Variants in VWA8 observed in about 807,000 individuals in gnomAD.
The protein encoded by VWA8 is von Willebrand factor A domain containing 8.
A neutral mutation model predicts 241.5 loss-of-function variants in VWA8; 221 were observed. That is an observed-to-expected ratio of 0.91 (90% confidence interval 0.82 to 1.02). The LOEUF is 1.02. VWA8 is among the 50% of genes least tolerant of loss of function. The pLI, the probability that VWA8 is intolerant of heterozygous loss-of-function variation, is 0.00. For synonymous variants in VWA8, 852 were observed against 827.1 expected, an observed-to-expected ratio of 1.03 and a Z score of -0.52; for missense variants, 2,322 against 2,328.7, an observed-to-expected ratio of 1.00 and a Z score of 0.06.
rs1398191685 is a variant in VWA8, at chr13:41,727,449, T to C, written c.2639-136A>G. 12 of 813,192 alleles carry C rather than the reference T, an allele frequency of 1.5e-5. 1 individual carries two copies. In the South Asian group the frequency reaches 2.6e-4, roughly 18 times the overall value. The allele number at this position is 813,192 out of a possible 1,614,324, so 50.4% of individuals were successfully genotyped here. Reference sequence around the variant, plus strand: ...TCTAAGATATTTGGCTGTGATAACTTGGTTGCAGAAACAAAAACTTTCTTG... The same window carrying C: ...TCTAAGATATTTGGCTGTGATAACTCGGTTGCAGAAACAAAAACTTTCTTG... On this transcript the variant is annotated intron_variant, in intron 23 of 44. Transcript: ENST00000379310.
intron 21 of VWA8, among the ~76,000 whole-genome samples, chr13:41,733,427 T>G (rs1309031953): frequency 6.6e-6 from 1 of 152,170 alleles, no homozygotes; most frequent in Admixed American, 6.5e-5. Context: ...TGTGGGTAAG[T>G]AATAAAACCC....
chr13:41,605,369 T>C, intron 39 of VWA8, 93 bp from the exon 40 acceptor site: 1 of 1,208,416 alleles, frequency 8.3e-7, no homozygotes, highest in Non-Finnish European at 1.2e-6. Context: ...TTTAGCAAAC[T>C]CCTTGGAAAC....
At chr13:41,851,136 T>C (rs1018021812) in intron 12 of VWA8, among the ~76,000 whole-genome samples, 13 of 152,198 alleles carry the variant, frequency 8.5e-5, no homozygotes, top group South Asian at 2.1e-4. Context: ...TCTGCTTAAC[T>C]GAAACTTTGT....
rs532296102 is a variant in VWA8 at position 41,869,631 on chromosome 13, CAAAAAAAAA to C, written c.1081-1163_1081-1155del. Among the ~76,000 whole-genome samples, 76 of 40,294 alleles carry C rather than the reference CAAAAAAAAA, an allele frequency of 1.9e-3. 1 individual carries two copies. The highest frequency in any genetic ancestry group is 2.7e-3 in the Non-Finnish European group (64 of 24,008). The allele number at this position is 40,294 out of a possible 152,430, so 26.4% of individuals were successfully genotyped here. A position where few individuals can be genotyped will look rare whatever the true frequency, so the allele number is the denominator to read the frequency against. On this transcript the variant is annotated intron_variant, in intron 9 of 44. Coordinates refer to ENST00000379310, the MANE Select transcript of VWA8 (RefSeq NM_015058.2). Reference sequence around the variant, plus strand: ...GGGCAACAGAGCGAAAACTTTGTCTCAAAAAAAAAAAAAAAAAAAAAAAAAAAAAGGCTA... The same window carrying C: ...GGGCAACAGAGCGAAAACTTTGTCTCAAAAAAAAAAAAAAAAAAAAGGCTA...
At position 41,883,410 on chromosome 13, in the gene VWA8, T is replaced by C; in HGVS notation, c.1057A>G (p.Met353Val). 1 of 1,613,096 alleles carries C rather than the reference T, an allele frequency of 6.2e-7. No individual in the cohort carries two copies. The highest frequency in any genetic ancestry group is 8.5e-7 in the Non-Finnish European group (1 of 1,179,218). The change falls in exon 9 of 45, where the codon ATG becomes GTG. Residue 353 changes from methionine (M) to valine (V), a missense_variant. Physicochemically the swap from Met to Val is conservative, Grantham distance 21. Transcript: ENST00000379310. ...YSILLGHEGK[M>V]AVEGVLKRFE... ...ACCTTTAAAACACCTTCCACAGCCA[T>C]CTTCCCTTCATGACCTAGTAAAATA...
Position 41,570,601 on chromosome 13 carries a change from C to T in VWA8, c.5476G>A (p.Val1826Ile). Residue 1826 changes from valine to isoleucine, a missense_variant, in exon 44 of 45, where the codon GTC becomes ATC. Coordinates refer to ENST00000379310, the MANE Select transcript of VWA8 (RefSeq NM_015058.2). ...AGATTTGCATCACTCAAGACTATGA[C>T]AAAGTACTCATCAGCTTCTTCTTTG... ...IVKEEADEYF[V>I]IVLSDANLSR... 6.2e-7 allele frequency: 1 copy of T among 1,614,204 alleles called. No individual in the cohort carries two copies. The highest frequency in any genetic ancestry group is 8.5e-7 in the Non-Finnish European group (1 of 1,180,040).
chr13:41,750,348 G>T (rs1277377249), intron 21 of VWA8, among the ~76,000 whole-genome samples: 1 of 151,776 alleles, frequency 6.6e-6, no homozygotes, highest in Non-Finnish European at 1.5e-5. Flanking sequence ...CAGAAGAATT[G>T]CTTGAACCCG....
At chr13:41,650,416 G>A (rs961031450) in intron 37 of VWA8, among the ~76,000 whole-genome samples, 2 of 152,154 alleles carry the variant, frequency 1.3e-5, no homozygotes, top group Non-Finnish European at 2.9e-5. Context: ...AAACTAACAA[G>A]CGTAGAAACA....
At chr13:41,625,196 T>C (rs9566810) in intron 37 of VWA8, among the ~76,000 whole-genome samples, 103,794 of 151,904 alleles carry the variant, frequency 0.68, 35,981 homozygotes, top group South Asian at 0.84. Context: ...ACTCATAAAT[T>C]AAAGTAATGG....
Position 41,783,839 on chromosome 13 carries a change from C to A in VWA8, c.2233G>T (p.Glu745Ter). The A allele has an allele frequency of 6.2e-7, 1 of 1,613,642 alleles. No individual in the cohort carries two copies. Among genetic ancestry groups the A allele is most frequent in the Non-Finnish European group, 8.5e-7 (1 of 1,179,896 alleles). Residue 745 changes from glutamate to a stop codon, truncating the protein, a stop_gained, in exon 19 of 45, where the codon GAG becomes TAG. Transcript: ENST00000379310. LOFTEE classifies it high-confidence loss of function. ...AGAACATCAGGCACTTTCATTTTCT[C>A]ATGTGCATTATAGATCGGTGCACTA... ...AVSAPIYNAH[E>*]KMKVPDVLFY...
At chr13:41,605,390 G>A (rs1345162451) in intron 39 of VWA8, 114 bp from the exon 40 acceptor site, 2 of 994,218 alleles carry the variant, frequency 2.0e-6, no homozygotes, top group Non-Finnish European at 3.1e-6. Context: ...TCAGATTCAT[G>A]TTGAGGAGAA....
At chr13:41,922,485 G>C (rs369713478) in intron 2 of VWA8, among the ~76,000 whole-genome samples, 1 of 152,176 alleles carries the variant, frequency 6.6e-6, no homozygotes, top group Non-Finnish European at 1.5e-5. Context: ...ACTACCATCA[G>C]AGTGAACAGG....
chr13:41,684,166 A>C (rs1285085761), intron 35 of VWA8, among the ~76,000 whole-genome samples: 1 of 152,170 alleles, frequency 6.6e-6, no homozygotes. Flanking sequence ...TTTTAAGGAA[A>C]TGGTGATTTA....
intron 44 of VWA8, among the ~76,000 whole-genome samples, chr13:41,569,328 C>G (rs534210070): frequency 1.3e-5 from 2 of 152,272 alleles, no homozygotes; most frequent in East Asian, 3.9e-4. Context: ...TGTTGTCTGC[C>G]TAATACTGGG....
intron 26 of VWA8, among the ~76,000 whole-genome samples, chr13:41,710,058 CT>C (rs1437796399): frequency 6.6e-6 from 1 of 152,140 alleles, no homozygotes; most frequent in Non-Finnish European, 1.5e-5. Flanking sequence ...TTGTTTACCA[CT>C]AAGTAAGCGT....
At chr13:41,667,282 C>T (rs571236748) in intron 37 of VWA8, among the ~76,000 whole-genome samples, 5 of 152,240 alleles carry the variant, frequency 3.3e-5, no homozygotes, top group African/African-American at 1.2e-4. Flanking sequence ...ATTCATAGTC[C>T]TAGAAAATTC....
intron 21 of VWA8, among the ~76,000 whole-genome samples, chr13:41,748,950 G>C (rs193232905): frequency 5.5e-3 from 833 of 152,238 alleles, no homozygotes; most frequent in Non-Finnish European, 8.9e-3. Flanking sequence ...TAGGCATGGG[G>C]AAGGACTTCA....
intron 20 of VWA8, among the ~76,000 whole-genome samples, chr13:41,769,363 T>C (rs2045802394): frequency 6.6e-6 from 1 of 152,066 alleles, no homozygotes; most frequent in African/African-American, 2.4e-5. Flanking sequence ...AAAAGAACAA[T>C]ATATTAAAAG....
intron 4 of VWA8, among the ~76,000 whole-genome samples, chr13:41,892,382 G>A (rs1451531680): frequency 6.6e-6 from 1 of 152,128 alleles, no homozygotes; most frequent in African/African-American, 2.4e-5. Context: ...ACAGACAGAG[G>A]ATTAATGGTG....
Sources: gnomAD v4.1 joint callset for allele counts (sites outside exome capture counted in the v4.1 genomes callset) on GRCh38, gnomAD v4.1.1 for gene constraint, MANE v1.5 for transcripts, NCBI Gene and HGNC (gene_info 2026-07-23, HGNC 2026-07-21) for gene names.